Variants in CACNA1E observed in about 807,000 individuals in gnomAD.
The protein encoded by CACNA1E is voltage-dependent R-type calcium channel subunit alpha-1E.
In CACNA1E, 40 loss-of-function variants were observed where a neutral mutation model predicts 259.2. The ratio of observed to expected loss-of-function variants is 0.15; its 90% CI spans 0.12 to 0.20. The LOEUF (loss-of-function observed/expected upper bound fraction) is 0.20, where lower values mean the gene tolerates loss of function less well. Ranked by LOEUF, CACNA1E falls within the 10% of genes least tolerant of loss-of-function variation. CACNA1E has a pLI of 1.00. For synonymous variants in CACNA1E, 1,104 were observed against 1,138.5 expected (o/e 0.97, Z 0.61); for missense variants, 1,874 against 3,040.1 (o/e 0.62, Z 9.02).
rs542775696 is a variant in CACNA1E at position 181,770,584 on chromosome 1, A to G, written c.4882-709A>G. 8.0e-4 allele frequency among the ~76,000 whole-genome samples: 122 copies of G among 152,156 alleles called. 1 individual carries two copies. The highest frequency in any genetic ancestry group is 1.4e-3 in the Non-Finnish European group (96 of 67,996). On this transcript the variant is annotated intron_variant, in intron 35 of 47. Transcript: ENST00000367573. ...CAGTTGGCCCGACTTTCTCCATCCTATTGGCCTGGACTTCATTTTAGCTCC... is the reference window on the plus strand; with the variant it reads ...CAGTTGGCCCGACTTTCTCCATCCTGTTGGCCTGGACTTCATTTTAGCTCC...
intron 6 of CACNA1E, among the ~76,000 whole-genome samples, chr1:181,586,228 A>G (rs767644983): frequency 6.6e-6 from 1 of 152,284 alleles, no homozygotes; most frequent in African/African-American, 2.4e-5. Context: ...ACACAGGTAA[A>G]GTATGTTGGG....
intron 7 of CACNA1E, among the ~76,000 whole-genome samples, chr1:181,686,283 T>TTGTTTTTTTTTG (rs1553321329): frequency 8.1e-5 from 10 of 122,782 alleles, no homozygotes; most frequent in Non-Finnish European, 1.5e-4. Flanking sequence ...AAGTTTTTTT[T>TTGTTTTTTTTTG]TTTTTTTTTT....
chr1:181,655,158 A>T (rs1216680313), intron 7 of CACNA1E, among the ~76,000 whole-genome samples: 5 of 152,120 alleles, frequency 3.3e-5, no homozygotes, highest in East Asian at 3.8e-4. Context: ...TAATTTTTTT[A>T]AATTTTTATT....
intron 6 of CACNA1E, among the ~76,000 whole-genome samples, chr1:181,610,761 C>G (rs1654686047): frequency 6.6e-6 from 1 of 152,124 alleles, no homozygotes; most frequent in Non-Finnish European, 1.5e-5. Context: ...CCAATGAGGA[C>G]TTTTGAGGAC....
chr1:181,358,983 C>G (rs1198865594), intron 1 of CACNA1E, among the ~76,000 whole-genome samples: 1 of 152,208 alleles, frequency 6.6e-6, no homozygotes, highest in Admixed American at 6.5e-5. Context: ...AGCTTCTGGC[C>G]ATTCCTTGGA....
In CACNA1E at chr1:181,483,937, G is replaced by C; in HGVS notation, c.193G>C (p.Val65Leu). ...TCCCGTCCGGCAGAACTGTTTCACC[G>C]TCAACAGATCCCTGTTCATCTTCGG... is the stretch of plus-strand genomic sequence containing the variant. ...PIPVRQNCFT[V>L]NRSLFIFGED... Residue 65 changes from valine to leucine, a missense_variant, in exon 1 of 48, where the codon GTC becomes CTC. By Grantham distance (32) the Val-to-Leu change is conservative. This residue lies in a region of CACNA1E where 110 missense variants were observed against 122.8 expected (regional missense o/e 0.90). Coordinates refer to ENST00000367573, the MANE Select transcript of CACNA1E (RefSeq NM_001205293.3). 4.3e-6 allele frequency: 7 copies of C among 1,613,508 alleles called. No individual in the cohort carries two copies. Among genetic ancestry groups the C allele is most frequent in the Non-Finnish European group, 5.9e-6 (7 of 1,179,580 alleles).
intron 7 of CACNA1E, among the ~76,000 whole-genome samples, chr1:181,672,932 C>T (rs1267721220): frequency 6.6e-6 from 1 of 152,114 alleles, no homozygotes; most frequent in Admixed American, 6.6e-5. Flanking sequence ...ATTTGTTGGA[C>T]TTAACTAGCT....
intron 1 of CACNA1E, among the ~76,000 whole-genome samples, chr1:181,341,916 G>A (rs1230689539): frequency 1.3e-5 from 2 of 152,158 alleles, no homozygotes; most frequent in East Asian, 3.8e-4. Context: ...ACAAGATAAA[G>A]GTGGGAGGAG....
chr1:181,616,548 TA>T (rs1282726004), intron 6 of CACNA1E, among the ~76,000 whole-genome samples: 1 of 152,030 alleles, frequency 6.6e-6, no homozygotes, highest in Non-Finnish European at 1.5e-5. Context: ...CCATCTCTAC[TA>T]AAAAAATTAC....
rs1037859471 is a variant in CACNA1E, at chr1:181,804,360, T to C, written c.*5526T>C. On this transcript the variant is annotated 3_prime_UTR_variant, in exon 48 of 48. Coordinates refer to ENST00000367573, the MANE Select transcript of CACNA1E (RefSeq NM_001205293.3). Reference sequence around the variant, plus strand: ...CTGTCTTTTCTCTCTGGTCTCCTTTTTGTCGTCTTTCTCTTTCTGTCTAAA... The same window carrying C: ...CTGTCTTTTCTCTCTGGTCTCCTTTCTGTCGTCTTTCTCTTTCTGTCTAAA... 1.3e-5 allele frequency: 2 copies of C among 152,212 alleles called. No homozygotes were observed. Among genetic ancestry groups the C allele is most frequent in the African/African-American group, 4.8e-5 (2 of 41,460 alleles). 9.4% of individuals were successfully genotyped at this position (152,212 alleles called of 1,614,324 possible). A position where few individuals can be genotyped will look rare whatever the true frequency, so the allele number is the denominator to read the frequency against.
At position 181,366,289 on chromosome 1, in the gene CACNA1E, A is replaced by G. The variant is rs1654261851; in HGVS notation, c.-14-46844A>G. On this transcript the variant is annotated intron_variant, in intron 1 of 11. Coordinates refer to the CACNA1E transcript ENST00000524607. ...CCTATTCTTGCTACAGGGGTCTGTG[A>G]TGGCCTTTGGTCCATGGTATCAGAC... Among the ~76,000 whole-genome samples the G allele has an allele frequency of 1.3e-5, 2 of 152,112 alleles. 1 individual carries two copies. The highest frequency in any genetic ancestry group is 2.9e-5 in the Non-Finnish European group (2 of 68,016).
At chr1:181,584,348 G>A (rs190214870) in intron 6 of CACNA1E, among the ~76,000 whole-genome samples, 5 of 152,264 alleles carry the variant, frequency 3.3e-5, no homozygotes, top group African/African-American at 7.2e-5. Context: ...TATGCTTTCC[G>A]CATCTGTTGT....
At chr1:181,583,401 G>A (rs1164757351) in intron 6 of CACNA1E, among the ~76,000 whole-genome samples, 1 of 152,068 alleles carries the variant, frequency 6.6e-6, no homozygotes, top group East Asian at 1.9e-4. Flanking sequence ...TAAGAGAGGG[G>A]GATCCCCTAT....
At chr1:181,743,842 G>A (rs554712593) in intron 25 of CACNA1E, among the ~76,000 whole-genome samples, 53 of 152,320 alleles carry the variant, frequency 3.5e-4, no homozygotes, top group African/African-American at 8.4e-4. Flanking sequence ...ATAATTGATC[G>A]TCAGCACAGA....
At chr1:181,739,883 GA>G (rs879389727) in intron 25 of CACNA1E, among the ~76,000 whole-genome samples, 4 of 152,236 alleles carry the variant, frequency 2.6e-5, no homozygotes, top group Non-Finnish European at 5.9e-5. Flanking sequence ...ATATTTGTGG[GA>G]TTTTTTTCCC....
rs933178798 is a variant in CACNA1E, at chr1:181,803,673, G to A, written c.*4839G>A. On this transcript the variant is annotated 3_prime_UTR_variant, in exon 48 of 48. Transcript: ENST00000367573. ...GAGTACATAGACATAGCGCTTTAAGGGACAAAGGACAAACAGAACTATCTT... is the reference window on the plus strand; with the variant it reads ...GAGTACATAGACATAGCGCTTTAAGAGACAAAGGACAAACAGAACTATCTT... 6.6e-6 allele frequency: 1 copy of A among 152,132 alleles called. No homozygotes were observed. The highest frequency in any genetic ancestry group is 2.4e-5 in the African/African-American group (1 of 41,392). 9.4% of individuals were successfully genotyped at this position (152,132 alleles called of 1,614,324 possible). A position where few individuals can be genotyped will look rare whatever the true frequency, so the allele number is the denominator to read the frequency against.
At chr1:181,500,529 G>A (rs1417264062) in intron 1 of CACNA1E, among the ~76,000 whole-genome samples, 3 of 152,224 alleles carry the variant, frequency 2.0e-5, no homozygotes, top group African/African-American at 7.2e-5. Flanking sequence ...TAACAAAATA[G>A]TCCATTCACT....
chr1:181,776,036 T>G lies in CACNA1E; in HGVS notation c.5140-65T>G, dbSNP rs1659945414. On this transcript the variant is annotated intron_variant, in intron 37 of 47. Transcript: ENST00000367573. The surrounding 1 kb of genome is among the most constrained non-coding windows in gnomAD (Gnocchi z 4.4). The stretch of plus-strand genomic sequence containing the variant: ...ACCCTCCTCCATGCCCTGAAGCCTG[T>G]TCTTCTGCTTCCTGAGCTCTGCTTT... 2.0e-6 allele frequency: 3 copies of G among 1,509,152 alleles called. No homozygotes were observed. The highest frequency in any genetic ancestry group is 1.8e-6 in the Non-Finnish European group (2 of 1,105,166). The allele number at this position is 1,509,152 out of a possible 1,614,324, so 93.5% of individuals were successfully genotyped here. A position where few individuals can be genotyped will look rare whatever the true frequency, so the allele number is the denominator to read the frequency against.
intron 1 of CACNA1E, among the ~76,000 whole-genome samples, chr1:181,321,245 A>G (rs1057019679): frequency 9.9e-5 from 15 of 152,134 alleles, no homozygotes; most frequent in African/African-American, 2.9e-4. Context: ...TTTCAGCATG[A>G]GATTTGGAAG....
Sources: allele counts gnomAD v4.1 joint callset (sites outside exome capture counted in the v4.1 genomes callset), GRCh38; gene constraint gnomAD v4.1.1; regional missense constraint gnomAD v4.1.1; non-coding constraint Gnocchi (gnomAD v3.1); transcripts MANE v1.5; gene names NCBI Gene and HGNC (gene_info 2026-07-23, HGNC 2026-07-21).